Variants in EFCAB5 observed in about 807,000 individuals in gnomAD.
EFCAB5 encodes EF-hand calcium binding domain 5, also known as EF-hand calcium-binding domain-containing protein 5.
A neutral mutation model predicts 167.9 loss-of-function variants in EFCAB5; 131 were observed. The ratio of observed to expected loss-of-function variants is 0.78; its 90% CI spans 0.68 to 0.90. The LOEUF (loss-of-function observed/expected upper bound fraction) is 0.90, where lower values mean the gene tolerates loss of function less well. EFCAB5 is among the 40% of genes least tolerant of loss of function. The pLI is 0.00. For synonymous variants in EFCAB5, 574 were observed against 602.8 expected (o/e 0.95, Z 0.70); for missense variants, 1,663 against 1,745.2 (o/e 0.95, Z 0.84).
intron 20 of EFCAB5, 32 bp from the exon 21 acceptor site, chr17:30,091,839 C>T (rs780593806): frequency 9.3e-6 from 15 of 1,606,266 alleles, no homozygotes; most frequent in South Asian, 1.1e-5. Context: ...TTAGACTGAA[C>T]AGCAATGTGA....
At chr17:29,976,937 G>A (rs898442103) in intron 4 of EFCAB5, among the ~76,000 whole-genome samples, 2 of 152,098 alleles carry the variant, frequency 1.3e-5, no homozygotes, top group African/African-American at 4.8e-5. Context: ...CAGTATCACT[G>A]CTGTTTGTAG....
chr17:29,965,861 G>A (rs2067817532), intron 3 of EFCAB5, among the ~76,000 whole-genome samples: 1 of 151,942 alleles, frequency 6.6e-6, no homozygotes, highest in African/African-American at 2.4e-5. Flanking sequence ...ACACATTTCT[G>A]TTTAGTTTAT....
At chr17:30,082,390 C>CTTTTTTTTTTTTT (rs71138871) in intron 17 of EFCAB5, among the ~76,000 whole-genome samples, 2 of 98,246 alleles carry the variant, frequency 2.0e-5, no homozygotes, top group East Asian at 2.8e-4. Flanking sequence ...CTTTATACCT[C>CTTTTTTTTTTTTT]TTTTTTTTTT....
At chr17:29,983,451 A>G (rs1402437989) in intron 4 of EFCAB5, among the ~76,000 whole-genome samples, 4 of 152,262 alleles carry the variant, frequency 2.6e-5, no homozygotes, top group Non-Finnish European at 5.9e-5. Flanking sequence ...CAAGGAGTAC[A>G]GGAACAGACT....
At chr17:30,021,649 A>G (rs2069183460) in intron 7 of EFCAB5, among the ~76,000 whole-genome samples, 1 of 151,970 alleles carries the variant, frequency 6.6e-6, no homozygotes, top group African/African-American at 2.4e-5. Context: ...CTTTCATTAT[A>G]AAGAAGAGCT....
chr17:29,935,583 A>G (rs1179099749), intron 1 of EFCAB5, among the ~76,000 whole-genome samples: 1 of 152,162 alleles, frequency 6.6e-6, no homozygotes, highest in Non-Finnish European at 1.5e-5. Flanking sequence ...TCTACCAGTT[A>G]TTTGCCAAGA....
chr17:29,941,763 T>C lies in EFCAB5; in HGVS notation c.-34T>C, dbSNP rs1461935328. 6.4e-7 allele frequency: 1 copy of C among 1,553,670 alleles called. No individual in the cohort carries two copies. The highest frequency in any genetic ancestry group is 8.8e-7 in the Non-Finnish European group (1 of 1,135,848). On this transcript the variant is annotated 5_prime_UTR_variant, in exon 1 of 23. Transcript: ENST00000394835. ...ATTAATACTGGTCTAGTAATATTCTTCTATACCATTTGGTGATAACTTTTG... is the reference window on the plus strand; with the variant it reads ...ATTAATACTGGTCTAGTAATATTCTCCTATACCATTTGGTGATAACTTTTG...
intron 14 of EFCAB5, among the ~76,000 whole-genome samples, chr17:30,066,849 G>A (rs2070585102): frequency 6.6e-6 from 1 of 151,952 alleles, no homozygotes; most frequent in Admixed American, 6.6e-5. Flanking sequence ...TGATACCACA[G>A]CAATACACAG....
intron 4 of EFCAB5, among the ~76,000 whole-genome samples, chr17:29,990,184 A>G (rs995102036): frequency 1.3e-5 from 2 of 152,176 alleles, no homozygotes; most frequent in Admixed American, 6.5e-5. Context: ...AACTCCAACT[A>G]TGTTAAATTG....
At chr17:29,951,899 A>G (rs186481703) in intron 3 of EFCAB5, among the ~76,000 whole-genome samples, 3 of 152,294 alleles carry the variant, frequency 2.0e-5, no homozygotes, top group East Asian at 3.9e-4. Flanking sequence ...ATTGGAACCA[A>G]TCACTCTGGG....
intron 7 of EFCAB5, among the ~76,000 whole-genome samples, chr17:30,006,325 A>AT (rs1162789277): frequency 6.6e-6 from 1 of 152,028 alleles, no homozygotes; most frequent in Non-Finnish European, 1.5e-5. Flanking sequence ...AAATTTGTAG[A>AT]TTTTTTTTGG....
chr17:30,082,390 C>CT (rs71138871), intron 17 of EFCAB5, among the ~76,000 whole-genome samples: 43,679 of 98,934 alleles, frequency 0.44, 10,786 homozygotes, highest in African/African-American at 0.49. Flanking sequence ...CTTTATACCT[C>CT]TTTTTTTTTT....
intron 7 of EFCAB5, among the ~76,000 whole-genome samples, chr17:30,027,912 G>A (rs751605438): frequency 1.3e-5 from 2 of 152,120 alleles, no homozygotes; most frequent in Non-Finnish European, 2.9e-5. Flanking sequence ...AGTTTCCCAG[G>A]TGCATTCTTC....
intron 1 of EFCAB5, chr17:29,930,049 G>T: frequency 9.7e-6 from 15 of 1,539,336 alleles, no homozygotes; most frequent in East Asian, 2.4e-5. Flanking sequence ...TCCTGAGTGT[G>T]GGGGACGGGA....
At chr17:29,968,185 T>A (rs941264625) in intron 3 of EFCAB5, among the ~76,000 whole-genome samples, 1 of 152,158 alleles carries the variant, frequency 6.6e-6, no homozygotes, top group African/African-American at 2.4e-5. Flanking sequence ...CTTCCCTACC[T>A]TTTTGCCTGC....
At position 30,051,100 on chromosome 17, in the gene EFCAB5, AC is replaced by A. The variant is rs1392732494; in HGVS notation, c.1201-17del. ...AATCTCCTGTAACAACTAATCACAA[AC>A]TTTCTTCTTTGCTTAGGTAGGGTTT... On this transcript the variant is annotated splice_polypyrimidine_tract_variant and intron_variant, in intron 8 of 22. Coordinates refer to ENST00000394835, the MANE Select transcript of EFCAB5 (RefSeq NM_198529.4). 6.2e-7 allele frequency: 1 copy of A among 1,612,178 alleles called. No homozygotes were observed. The highest frequency in any genetic ancestry group is 1.7e-5 in the Admixed American group (1 of 59,912).
At chr17:29,994,133 A>AAT (rs55875315) in intron 5 of EFCAB5, among the ~76,000 whole-genome samples, 3,968 of 55,260 alleles carry the variant, frequency 0.072, 115 homozygotes, top group Non-Finnish European at 0.086. Flanking sequence ...AACAACAACA[A>AAT]ATATATATAT....
chr17:29,996,591 CTT>C (rs2068548887), intron 6 of EFCAB5, among the ~76,000 whole-genome samples: 5 of 152,172 alleles, frequency 3.3e-5, no homozygotes, highest in Admixed American at 3.3e-4. Flanking sequence ...CTGCAATACT[CTT>C]TTATTATCCT....
chr17:29,963,986 G>A lies in EFCAB5; in HGVS notation c.191-4805G>A, dbSNP rs190449824. Among the ~76,000 whole-genome samples the A allele has an allele frequency of 5.8e-4, 60 of 103,902 alleles. 1 individual carries two copies. Among genetic ancestry groups the A allele is most frequent in the African/African-American group, 2.0e-3 (52 of 26,546 alleles). 68.2% of individuals were successfully genotyped at this position (103,902 alleles called of 152,430 possible). ...TCTCACCATGTGATATGCCAGCCCC[G>A]CCCCCACCTTCCACCATGATTATAA... On this transcript the variant is annotated intron_variant, in intron 3 of 22. Transcript: ENST00000394835.
Sources: gnomAD v4.1 joint callset for allele counts (sites outside exome capture counted in the v4.1 genomes callset) on GRCh38, gnomAD v4.1.1 for gene constraint, MANE v1.5 for transcripts, NCBI Gene and HGNC (gene_info 2026-07-23, HGNC 2026-07-21) for gene names.